Variants in DDX31 observed in about 807,000 individuals in gnomAD.
DDX31 encodes DEAD-box helicase 31, also known as ATP-dependent DNA helicase DDX31.
In DDX31, 70 loss-of-function variants were observed where a neutral mutation model predicts 91.3. That is an observed-to-expected ratio of 0.77 (90% CI 0.63 to 0.94). The LOEUF is 0.94. DDX31 is among the 40% of genes least tolerant of loss of function. DDX31 has a pLI of 0.00. For missense variants in DDX31, 902 were observed against 925.0 expected (o/e 0.98, Z 0.32); for synonymous variants, 362 against 350.6 (o/e 1.03, Z -0.36).
intron 14 of DDX31, among the ~76,000 whole-genome samples, chr9:132,641,488 G>A (rs924641553): frequency 2.0e-5 from 3 of 152,230 alleles, no homozygotes; most frequent in African/African-American, 7.2e-5. Flanking sequence ...AGAGGCATGA[G>A]TTTAAAAGGT....
intron 14 of DDX31, chr9:132,638,019 A>C: frequency 8.8e-7 from 1 of 1,137,994 alleles, no homozygotes; most frequent in African/African-American, 1.6e-5. Context: ...CTTCAAGCGG[A>C]AAAAAATACG....
At chr9:132,666,043 T>TAA (rs1835285389) in intron 1 of DDX31, among the ~76,000 whole-genome samples, 1 of 152,248 alleles carries the variant, frequency 6.6e-6, no homozygotes, top group African/African-American at 2.4e-5. Flanking sequence ...ATTATAGTTT[T>TAA]GCCTTGTATA....
In DDX31 at chr9:132,662,542, T is replaced by C. The variant is rs1835037043; in HGVS notation, c.229A>G (p.Lys77Glu). ...TCACTTGTGCTAACCGAATGCTTCT[T>C]TGGAGAAAACATTTTTTGTGCGTTC... ...KGNAQKMFSP[K>E]KHSVSTSDRN... Residue 77 changes from lysine to glutamate, a missense_variant, in exon 2 of 20, where the codon AAG (lysine) becomes GAG (glutamate). Coordinates refer to ENST00000372159, the MANE Select transcript of DDX31 (RefSeq NM_022779.9). 2 of 1,614,244 alleles carry C rather than the reference T, an allele frequency of 1.2e-6. No individual in the cohort carries two copies. The highest frequency in any genetic ancestry group is 1.7e-6 in the Non-Finnish European group (2 of 1,180,042).
intron 19 of DDX31, among the ~76,000 whole-genome samples, chr9:132,605,889 C>T (rs1208046574): frequency 2.6e-5 from 4 of 151,816 alleles, no homozygotes; most frequent in Non-Finnish European, 4.4e-5. Flanking sequence ...GGGCAAGATG[C>T]GGTGAGGGCT....
intron 11 of DDX31, 35 bp from the exon 12 acceptor site, chr9:132,647,093 A>T (rs1328075121): frequency 6.2e-7 from 1 of 1,602,520 alleles, no homozygotes; most frequent in East Asian, 2.2e-5. Context: ...AGCAGACAAC[A>T]AACACACCAT....
rs757747190 is a variant in DDX31 at position 132,658,767 on chromosome 9, C to A, written c.524-32G>T. 5 of 1,599,264 alleles carry A rather than the reference C, an allele frequency of 3.1e-6. No homozygotes were observed. The East Asian group carries it at 1.1e-4, about 36-fold the overall frequency. On this transcript the variant is annotated intron_variant, in intron 5 of 19. Transcript: ENST00000372159. Reference sequence around the variant, plus strand: ...AAAAAAAAGCAGAAGCAATTAAAATCACACACCCTACAGATGTTTAAGAAA... The same window carrying A: ...AAAAAAAAGCAGAAGCAATTAAAATAACACACCCTACAGATGTTTAAGAAA...
intron 14 of DDX31, among the ~76,000 whole-genome samples, chr9:132,637,200 G>A (rs992324119): frequency 6.6e-6 from 1 of 152,074 alleles, no homozygotes; most frequent in Non-Finnish European, 1.5e-5. Context: ...CATCTCCCTG[G>A]AGCACAGTCA....
intron 17 of DDX31, among the ~76,000 whole-genome samples, chr9:132,623,144 C>T (rs1482021188): frequency 6.6e-6 from 1 of 150,406 alleles, no homozygotes; most frequent in East Asian, 2.0e-4. Flanking sequence ...AAAAAAAAAG[C>T]CCTTTGGTCC....
intron 6 of DDX31, among the ~76,000 whole-genome samples, chr9:132,653,632 T>G (rs963675188): frequency 7.9e-4 from 115 of 146,376 alleles, no homozygotes; most frequent in African/African-American, 2.8e-3. Flanking sequence ...ATGAAGAAAA[T>G]TTAAAAACAC....
At position 132,659,792 on chromosome 9, in the gene DDX31, G is replaced by GAA; in HGVS notation, c.453-14_453-13dup. On this transcript the variant is annotated splice_polypyrimidine_tract_variant and intron_variant, in intron 4 of 19. Transcript: ENST00000372159. ...TTTGCTTCTGAACACTGGGCCACCC[G>GAA]AAAAAAAGAACACACTTTACCTATA... is the stretch of plus-strand genomic sequence containing the variant. 6.2e-7 allele frequency: 1 copy of GAA among 1,611,264 alleles called. No individual in the cohort carries two copies. Among genetic ancestry groups the GAA allele is most frequent in the Non-Finnish European group, 8.5e-7 (1 of 1,178,596 alleles).
rs1358209568 is a variant in DDX31, at chr9:132,605,366, G to A, written c.1994+6721C>T. On this transcript the variant is annotated intron_variant, in intron 19 of 19. Transcript: ENST00000372159. ...CTTTCTGAGCACCAGCATGATGCATGATATGTGGCACTAAAAGGAAATGCT... is the reference window on the plus strand; with the variant it reads ...CTTTCTGAGCACCAGCATGATGCATAATATGTGGCACTAAAAGGAAATGCT... Among the ~76,000 whole-genome samples, 6 of 152,282 alleles carry A rather than the reference G, an allele frequency of 3.9e-5. No homozygotes were observed. In the East Asian group the frequency reaches 1.2e-3, roughly 29 times the overall value.
chr9:132,662,212 A>G, intron 3 of DDX31, 49 bp downstream of exon 3: 2 of 1,597,938 alleles, frequency 1.3e-6, no homozygotes, highest in Non-Finnish European at 1.7e-6. Flanking sequence ...TTCTGAACGG[A>G]CAAACACACC....
At chr9:132,604,296 C>T (rs1385790431) in intron 19 of DDX31, among the ~76,000 whole-genome samples, 2 of 152,182 alleles carry the variant, frequency 1.3e-5, no homozygotes, top group Non-Finnish European at 2.9e-5. Context: ...CACAGTAGTG[C>T]TCCGATCTCT....
intron 18 of DDX31, among the ~76,000 whole-genome samples, chr9:132,615,070 G>A (rs1831553644): frequency 6.6e-6 from 1 of 152,174 alleles, no homozygotes. Flanking sequence ...AGGTGGAGAA[G>A]TAATGAAAGC....
At chr9:132,650,329 C>A (rs1189197001) in intron 8 of DDX31, 31 bp from the exon 9 acceptor site, 5 of 1,604,908 alleles carry the variant, frequency 3.1e-6, no homozygotes, top group South Asian at 1.1e-5. Context: ...ACAGTCAGTG[C>A]AAAGCCCCCT....
chr9:132,648,541 CT>C lies in DDX31; in HGVS notation c.750del (p.Gly251GlufsTer2). 1.2e-6 allele frequency: 2 copies of C among 1,609,650 alleles called. No individual in the cohort carries two copies. The highest frequency in any genetic ancestry group is 1.7e-6 in the Non-Finnish European group (2 of 1,178,698). On this transcript the variant is annotated frameshift_variant, in exon 10 of 20. Transcript: ENST00000372159. LOFTEE classifies it high-confidence loss of function. ...GGAGTTGAGATAAGGATATTTATTC[CT>C]TTGCGGAGTCTGTTTAAAATTATAT... ...KRKSEKARLR[K>X]GINILISTPG... is the part of the protein sequence containing the mutation.
At chr9:132,600,823 T>C (rs1278649586) in intron 19 of DDX31, among the ~76,000 whole-genome samples, 1 of 152,166 alleles carries the variant, frequency 6.6e-6, no homozygotes, top group African/African-American at 2.4e-5. Flanking sequence ...GTTCTGCCAC[T>C]CGCCTAGCTG....
chr9:132,598,676 A>C (rs1263440018), intron 19 of DDX31, among the ~76,000 whole-genome samples: 1 of 152,250 alleles, frequency 6.6e-6, no homozygotes, highest in African/African-American at 2.4e-5. Flanking sequence ...GTAAAAACCC[A>C]TTCTAATTCA....
chr9:132,627,319 A>T (rs917703182), intron 16 of DDX31, among the ~76,000 whole-genome samples: 3 of 152,146 alleles, frequency 2.0e-5, no homozygotes, highest in African/African-American at 7.2e-5. Context: ...ACGTCGGGGA[A>T]CCACACACCC....
Sources: allele counts gnomAD v4.1 joint callset (sites outside exome capture counted in the v4.1 genomes callset), GRCh38; gene constraint gnomAD v4.1.1; transcripts MANE v1.5; gene names NCBI Gene and HGNC (gene_info 2026-07-23, HGNC 2026-07-21).